SDK1: variants seen among roughly 807,000 people sequenced by gnomAD.
SDK1 encodes sidekick cell adhesion molecule 1, also known as protein sidekick-1.
In SDK1, 157 loss-of-function variants were observed where a neutral mutation model predicts 245.5. The ratio of observed to expected loss-of-function variants is 0.64; its 90% confidence interval spans 0.56 to 0.73. The LOEUF (loss-of-function observed/expected upper bound fraction) is 0.73, where lower values mean the gene tolerates loss of function less well. Among genes scored for constraint, SDK1 ranks in the 30% least tolerant of loss-of-function variants. SDK1 has a pLI of 0.00. For synonymous variants in SDK1, 1,647 were observed against 1,278.5 expected, an observed-to-expected ratio of 1.29 and a Z score of -6.15; for missense variants, 3,583 against 3,002.3, an observed-to-expected ratio of 1.19 and a Z score of -4.52.
In SDK1 at chr7:3,861,868, TTG is replaced by T. The variant is rs1780700482; in HGVS notation, c.847+40289_847+40290del. ...GTCCTGATTACTGAATTAAAAGAGT[TTG>T]TGTTTATCTGTCCCAGTGTAAAGGT... On this transcript the variant is annotated intron_variant, in intron 5 of 44. Coordinates refer to ENST00000404826, the MANE Select transcript of SDK1 (RefSeq NM_152744.4). Among the ~76,000 whole-genome samples the T allele has an allele frequency of 2.6e-5, 4 of 152,140 alleles. No homozygotes were observed. In the South Asian group the frequency reaches 8.3e-4, roughly 32 times the overall value.
Position 4,149,344 on chromosome 7 carries a change from C to A in SDK1, c.4506C>A (p.Gly1502=), listed in dbSNP as rs1308458959. 5.7e-6 allele frequency: 9 copies of A among 1,591,078 alleles called. No individual in the cohort carries two copies. The African/African-American group carries it at 1.2e-4, about 22-fold the overall frequency. ...GCCTCCGGCTCCAGTGGGTCCCGGG[C>A]AGCGACGGGGCCTCCCCCATCCGGT... ...ARSLRLQWVP[G]SDGASPIRYF... is the part of the protein sequence containing the mutation. Residue 1502 remains glycine (G), a synonymous_variant, in exon 30 of 45, where the codon GGC becomes GGA. Coordinates refer to ENST00000404826, the MANE Select transcript of SDK1 (RefSeq NM_152744.4).
intron 4 of SDK1, among the ~76,000 whole-genome samples, chr7:3,741,987 C>CATATATATAT (rs142076799): frequency 0.043 from 5,652 of 131,736 alleles, 144 homozygotes; most frequent in Middle Eastern, 0.076. Context: ...TTGTAGTGTG[C>CATATATATAT]ATATATATAT....
At chr7:3,883,685 G>T (rs1053163197) in intron 5 of SDK1, among the ~76,000 whole-genome samples, 2 of 143,332 alleles carry the variant, frequency 1.4e-5, no homozygotes, top group Non-Finnish European at 3.0e-5. Context: ...TCTGGACCTC[G>T]CTCCCTCGCT....
At chr7:3,584,459 TG>T (rs1780616421) in intron 1 of SDK1, among the ~76,000 whole-genome samples, 1 of 152,162 alleles carries the variant, frequency 6.6e-6, no homozygotes, top group African/African-American at 2.4e-5. Flanking sequence ...CAAACAGGGT[TG>T]CTAAGCGGCC....
chr7:4,204,931 G>T (rs903124775), intron 35 of SDK1, among the ~76,000 whole-genome samples: 1 of 152,264 alleles, frequency 6.6e-6, no homozygotes, highest in East Asian at 1.9e-4. Flanking sequence ...GAACGCAGGC[G>T]TGTGCTCCCA....
intron 1 of SDK1, among the ~76,000 whole-genome samples, chr7:3,370,840 T>A (rs1781209625): frequency 6.6e-6 from 1 of 152,164 alleles, no homozygotes; most frequent in Admixed American, 6.5e-5. Flanking sequence ...TCCAAGTTTG[T>A]CATTCCCAGT....
At chr7:3,606,033 A>G (rs1781413752) in intron 1 of SDK1, among the ~76,000 whole-genome samples, 1 of 152,198 alleles carries the variant, frequency 6.6e-6, no homozygotes, top group African/African-American at 2.4e-5. Flanking sequence ...CATACACTTC[A>G]TGAATCTAAC....
At chr7:3,576,120 A>G (rs945552100) in intron 1 of SDK1, among the ~76,000 whole-genome samples, 1 of 152,156 alleles carries the variant, frequency 6.6e-6, no homozygotes, top group Non-Finnish European at 1.5e-5. Context: ...AAAAAGCAAC[A>G]TTATTTCCAG....
chr7:3,563,940 A>G (rs1301808579), intron 1 of SDK1, among the ~76,000 whole-genome samples: 2 of 152,104 alleles, frequency 1.3e-5, no homozygotes, highest in South Asian at 2.1e-4. Context: ...ATTAAATAAC[A>G]TATTTCTAAA....
chr7:3,666,146 A>T (rs1444130528), intron 4 of SDK1, among the ~76,000 whole-genome samples: 1 of 152,166 alleles, frequency 6.6e-6, no homozygotes, highest in Non-Finnish European at 1.5e-5. Flanking sequence ...TGAAGGTGGC[A>T]TATGACACCC....
chr7:4,169,606 C>T (rs893727348), intron 32 of SDK1, among the ~76,000 whole-genome samples: 3 of 152,208 alleles, frequency 2.0e-5, no homozygotes, highest in African/African-American at 7.2e-5. Context: ...ACCCGGTGCA[C>T]TATAGCTCAG....
At chr7:4,237,822 C>G (rs775660036) in intron 42 of SDK1, 38 bp downstream of exon 42, 14 of 1,610,612 alleles carry the variant, frequency 8.7e-6, no homozygotes, top group African/African-American at 1.3e-5. Context: ...TCCCACGATG[C>G]CACTCAGCCA....
At chr7:3,347,948 TTAAGTG>T (rs1444136777) in intron 1 of SDK1, among the ~76,000 whole-genome samples, 3 of 152,204 alleles carry the variant, frequency 2.0e-5, no homozygotes, top group African/African-American at 7.2e-5. Context: ...GAGGTTCACT[TTAAGTG>T]TAAGTATTTT....
chr7:3,502,930 T>C (rs771653641), intron 1 of SDK1, among the ~76,000 whole-genome samples: 1 of 152,236 alleles, frequency 6.6e-6, no homozygotes, highest in Non-Finnish European at 1.5e-5. Context: ...TCTAACCAAA[T>C]GATTTTGATA....
intron 4 of SDK1, among the ~76,000 whole-genome samples, chr7:3,818,247 T>C (rs938330240): frequency 3.3e-5 from 5 of 152,210 alleles, no homozygotes; most frequent in African/African-American, 9.6e-5. Flanking sequence ...GGCCAAATAT[T>C]GTAATTTTTC....
At chr7:3,474,990 C>G (rs1309987035) in intron 1 of SDK1, among the ~76,000 whole-genome samples, 1 of 152,204 alleles carries the variant, frequency 6.6e-6, no homozygotes, top group Non-Finnish European at 1.5e-5. Flanking sequence ...CGTGTCCAGC[C>G]CTGACCCATT....
intron 1 of SDK1, among the ~76,000 whole-genome samples, chr7:3,347,988 A>AT (rs1780553966): frequency 6.6e-6 from 1 of 152,086 alleles, no homozygotes; most frequent in South Asian, 2.1e-4. Flanking sequence ...TTAAATATGT[A>AT]TAATTCCACA....
chr7:4,144,811 C>G (rs1779842515), intron 28 of SDK1, among the ~76,000 whole-genome samples: 1 of 152,202 alleles, frequency 6.6e-6, no homozygotes, highest in Non-Finnish European at 1.5e-5. Flanking sequence ...GAGCGCGGCT[C>G]TGTTCCCCCC....
At chr7:3,694,869 A>T (rs909125451) in intron 4 of SDK1, among the ~76,000 whole-genome samples, 1 of 152,196 alleles carries the variant, frequency 6.6e-6, no homozygotes, top group African/African-American at 2.4e-5. Flanking sequence ...TGTTCTGTGG[A>T]ATGAGAAGCT....
Sources: allele counts gnomAD v4.1 joint callset (sites outside exome capture counted in the v4.1 genomes callset), GRCh38; gene constraint gnomAD v4.1.1; transcripts MANE v1.5; gene names NCBI Gene and HGNC (gene_info 2026-07-23, HGNC 2026-07-21).